Variants in STAT1 observed in about 807,000 individuals in gnomAD.
STAT1 encodes the protein signal transducer and activator of transcription 1-alpha/beta.
A neutral mutation model predicts 111.7 loss-of-function variants in STAT1; 24 were observed. The ratio of observed to expected loss-of-function variants is 0.21; its 90% CI spans 0.16 to 0.30. STAT1 has a LOEUF of 0.30. Among genes scored for constraint, STAT1 ranks in the 10% least tolerant of loss-of-function variants. STAT1 has a pLI of 1.00. For missense variants in STAT1, 351 were observed against 911.9 expected, an observed-to-expected ratio of 0.38 and a Z score of 7.92; for synonymous variants, 332 against 326.5, an observed-to-expected ratio of 1.02 and a Z score of -0.18.
intron 10 of STAT1, 134 bp downstream of exon 10, chr2:190,994,927 A>AAAT (rs1165918318): frequency 3.8e-3 from 514 of 135,008 alleles, no homozygotes; most frequent in Non-Finnish European, 4.9e-3. Flanking sequence ...AAAAAAAAAA[A>AAAT]ATATATATAT....
chr2:191,009,480 A>T (rs923012960), intron 3 of STAT1, among the ~76,000 whole-genome samples: 10 of 152,138 alleles, frequency 6.6e-5, no homozygotes, highest in African/African-American at 2.2e-4. Context: ...AATCCCCTTA[A>T]TTTTACTACC....
chr2:190,974,047 T>C lies in STAT1; in HGVS notation c.2238+783A>G, dbSNP rs1471492494. The stretch of plus-strand genomic sequence containing the variant: ...GGCCAGTAATAACTCAGGATATTTT[T>C]TGGAAGCATTAAATAAATTTTTAAA... On this transcript the variant is annotated intron_variant, in intron 24 of 24. Transcript: ENST00000361099. The surrounding 1 kb of genome is among the most constrained non-coding windows in gnomAD (Gnocchi z 4.8). Among the ~76,000 whole-genome samples, 9 of 152,320 alleles carry C rather than the reference T, an allele frequency of 5.9e-5. No homozygotes were observed. In the East Asian group the frequency reaches 1.5e-3, roughly 26 times the overall value.
chr2:190,986,554 C>T lies in STAT1; in HGVS notation c.1221+300G>A, dbSNP rs1002135868. Among the ~76,000 whole-genome samples, 4 of 152,154 alleles carry T rather than the reference C, an allele frequency of 2.6e-5. No homozygotes were observed. The highest frequency in any genetic ancestry group is 2.1e-4 in the South Asian group (1 of 4,832). Reference sequence around the variant, plus strand: ...CCATAACCTTTGAGAAAACTGCAAGCGTAGGTGAGTGACCGTGGGGATCAT... The same window carrying T: ...CCATAACCTTTGAGAAAACTGCAAGTGTAGGTGAGTGACCGTGGGGATCAT... On this transcript the variant is annotated intron_variant, in intron 14 of 24. Coordinates refer to ENST00000361099, the MANE Select transcript of STAT1 (RefSeq NM_007315.4). This position sits in a 1 kb window ranked among gnomAD's most constrained non-coding sequence, Gnocchi z 5.0.
chr2:191,008,706 C>T lies in STAT1; in HGVS notation c.273+257G>A, dbSNP rs992369049. On this transcript the variant is annotated intron_variant, in intron 4 of 24. Transcript: ENST00000361099. ...TTAGTAAAACAAAATTATAGCATCA[C>T]ATTTTTCTCAGGATTACTGATACCT... 2.0e-5 allele frequency among the ~76,000 whole-genome samples: 3 copies of T among 152,206 alleles called. 1 individual carries two copies. In the East Asian group the frequency reaches 5.8e-4, roughly 29 times the overall value.
chr2:190,972,662 A>G (rs538762605), intron 24 of STAT1, among the ~76,000 whole-genome samples: 2 of 152,188 alleles, frequency 1.3e-5, no homozygotes, highest in African/African-American at 4.8e-5. Context: ...AGTCAACCCA[A>G]TTTAGAGACT....
intron 10 of STAT1, chr2:190,992,676 C>A: frequency 7.8e-7 from 1 of 1,283,572 alleles, no homozygotes; most frequent in Non-Finnish European, 1.0e-6. Context: ...GACCAGAGTG[C>A]TCTGAATTTT....
Position 190,969,488 on chromosome 2 carries a change from T to C in STAT1, c.*1215A>G, listed in dbSNP as rs1691293624. ...GGAAGAACCTTGTCAAACCCATCTC[T>C]TAATCTACTTTTTGTGTCAGTGATA... is the stretch of plus-strand genomic sequence containing the variant. On this transcript the variant is annotated 3_prime_UTR_variant, in exon 25 of 25. Coordinates refer to ENST00000361099, the MANE Select transcript of STAT1 (RefSeq NM_007315.4). 6.6e-6 allele frequency: 1 copy of C among 152,182 alleles called. No individual in the cohort carries two copies. 9.4% of individuals were successfully genotyped at this position (152,182 alleles called of 1,614,324 possible).
chr2:190,982,259 G>A lies in STAT1; in HGVS notation c.1582+124C>T. The A allele has an allele frequency of 8.8e-7, 1 of 1,142,826 alleles. No individual in the cohort carries two copies. Among genetic ancestry groups the A allele is most frequent in the Non-Finnish European group, 1.3e-6 (1 of 765,658 alleles). The allele number at this position is 1,142,826 out of a possible 1,614,324, so 70.8% of individuals were successfully genotyped here. A position where few individuals can be genotyped will look rare whatever the true frequency, so the allele number is the denominator to read the frequency against. On this transcript the variant is annotated intron_variant, in intron 18 of 24. Transcript: ENST00000361099. This position sits in a 1 kb window ranked among gnomAD's most constrained non-coding sequence, Gnocchi z 7.3. ...ACTTAGCTATAATAAACTATAGCTT[G>A]AAAAGCTGACAGATTTTAGTACTTT... is the stretch of plus-strand genomic sequence containing the variant.
chr2:190,989,598 T>C lies in STAT1; in HGVS notation c.1097+17A>G, dbSNP rs1693163573. ...TCAATAGTACATGTATGTTATATAA[T>C]GTTAAAGATATCTTACTTATCAAAT... is the stretch of plus-strand genomic sequence containing the variant. On this transcript the variant is annotated intron_variant, in intron 12 of 24. Transcript: ENST00000361099. The surrounding 1 kb of genome is among the most constrained non-coding windows in gnomAD (Gnocchi z 5.0). 5 of 1,399,090 alleles carry C rather than the reference T, an allele frequency of 3.6e-6. No individual in the cohort carries two copies. Among genetic ancestry groups the C allele is most frequent in the Non-Finnish European group, 5.0e-6 (5 of 999,836 alleles). The allele number at this position is 1,399,090 out of a possible 1,614,324, so 86.7% of individuals were successfully genotyped here.
chr2:190,996,070 C>G lies in STAT1; in HGVS notation c.786-851G>C, dbSNP rs543966292. ...CAGGAGGAGAGACAGAGATGGGAGA[C>G]AAGGCCGGGGACAGGAAGAGAGGAA... On this transcript the variant is annotated intron_variant, in intron 9 of 24. Coordinates refer to ENST00000361099, the MANE Select transcript of STAT1 (RefSeq NM_007315.4). The surrounding 1 kb of genome is among the most constrained non-coding windows in gnomAD (Gnocchi z 4.5). Among the ~76,000 whole-genome samples the G allele has an allele frequency of 1.3e-5, 2 of 152,160 alleles. No individual in the cohort carries two copies. The highest frequency in any genetic ancestry group is 4.8e-5 in the African/African-American group (2 of 41,488).
In STAT1 at chr2:190,982,423, G is replaced by C; in HGVS notation, c.1542C>G (p.Leu514=). Residue 514 remains leucine (L), a synonymous_variant, in exon 18 of 25, where the codon CTC becomes CTG. Transcript: ENST00000361099. This position sits in a 1 kb window ranked among gnomAD's most constrained non-coding sequence, Gnocchi z 7.3. ...CCAACATGTTCAGCTGGTCCACATTGAGACCTCTTTTGGTGACAGAAGAAA... is the reference window on the plus strand; with the variant it reads ...CCAACATGTTCAGCTGGTCCACATTCAGACCTCTTTTGGTGACAGAAGAAA... The part of the protein sequence containing the change: ...WQFSSVTKRG[L]NVDQLNMLGE... The C allele has an allele frequency of 6.2e-7, 1 of 1,614,158 alleles. No individual in the cohort carries two copies. The highest frequency in any genetic ancestry group is 8.5e-7 in the Non-Finnish European group (1 of 1,180,042).
Position 190,997,888 on chromosome 2 carries a change from CGGCCCCCCAATACA to C in STAT1, c.739_752del (p.Cys247AlafsTer27), listed in dbSNP as rs1559018912. On this transcript the variant is annotated frameshift_variant, in exon 9 of 25. Transcript: ENST00000361099. LOFTEE classifies it high-confidence loss of function. This position sits in a 1 kb window ranked among gnomAD's most constrained non-coding sequence, Gnocchi z 7.3. Reference sequence around the variant, plus strand: ...GCAGCTGATCCAAGCAAGCATTGGGCGGCCCCCCAATACAGGCGCTCTGCTGTCTCCGCTTCCAC... The same window carrying C: ...GCAGCTGATCCAAGCAAGCATTGGGCGGCGCTCTGCTGTCTCCGCTTCCAC... 1 of 1,614,186 alleles carries C rather than the reference CGGCCCCCCAATACA, an allele frequency of 6.2e-7. No individual in the cohort carries two copies. The highest frequency in any genetic ancestry group is 1.1e-5 in the South Asian group (1 of 91,080).
rs1692916853 is a variant in STAT1 at position 190,987,174 on chromosome 2, TA to T, written c.1098-107del. 5.8e-6 allele frequency: 5 copies of T among 859,498 alleles called. No homozygotes were observed. Among genetic ancestry groups the T allele is most frequent in the Non-Finnish European group, 7.6e-6 (4 of 527,578 alleles). The allele number at this position is 859,498 out of a possible 1,614,324, so 53.2% of individuals were successfully genotyped here. On this transcript the variant is annotated intron_variant, in intron 12 of 24. Coordinates refer to ENST00000361099, the MANE Select transcript of STAT1 (RefSeq NM_007315.4). The surrounding 1 kb of genome is among the most constrained non-coding windows in gnomAD (Gnocchi z 4.0). ...CATAAGAGTGTAAGTGAATGATGAATAAAAAATAAATCTACACCTATGGATT... is the reference window on the plus strand; with the variant it reads ...CATAAGAGTGTAAGTGAATGATGAATAAAAATAAATCTACACCTATGGATT...
At chr2:190,994,154 G>A (rs1021535498) in intron 10 of STAT1, among the ~76,000 whole-genome samples, 7 of 152,194 alleles carry the variant, frequency 4.6e-5, no homozygotes, top group Non-Finnish European at 8.8e-5. Flanking sequence ...CTCTGAGGAA[G>A]AGGAAGTATC....
rs1559013625 is a variant in STAT1, at chr2:190,989,580, T to C, written c.1097+35A>G. On this transcript the variant is annotated intron_variant, in intron 12 of 24. Coordinates refer to ENST00000361099, the MANE Select transcript of STAT1 (RefSeq NM_007315.4). This position sits in a 1 kb window ranked among gnomAD's most constrained non-coding sequence, Gnocchi z 5.0. ...AGTAACAAAATCAACATTTCAATAG[T>C]ACATGTATGTTATATAATGTTAAAG... 1.6e-6 allele frequency: 2 copies of C among 1,244,588 alleles called. No homozygotes were observed. Among genetic ancestry groups the C allele is most frequent in the South Asian group, 1.3e-5 (1 of 76,032 alleles). The allele number at this position is 1,244,588 out of a possible 1,614,324, so 77.1% of individuals were successfully genotyped here.
Position 190,981,609 on chromosome 2 carries a change from C to T in STAT1, c.1582+774G>A, listed in dbSNP as rs16833143. On this transcript the variant is annotated intron_variant, in intron 18 of 24. Transcript: ENST00000361099. This position sits in a 1 kb window ranked among gnomAD's most constrained non-coding sequence, Gnocchi z 4.1. ...CAGCACAAGACCACCACTGTGACAG[C>T]TGCATATCCAAGAGAAGAAGGCACT... Among the ~76,000 whole-genome samples the T allele has an allele frequency of 0.033, 5,097 of 152,318 alleles. 277 individuals are homozygous for T. The highest frequency in any genetic ancestry group is 0.11 in the African/African-American group (4,719 of 41,548).
Position 190,987,314 on chromosome 2 carries a change from C to T in STAT1, c.1098-246G>A, listed in dbSNP as rs762654314. Among the ~76,000 whole-genome samples the T allele has an allele frequency of 6.6e-6, 1 of 152,222 alleles. No individual in the cohort carries two copies. Among genetic ancestry groups the T allele is most frequent in the Non-Finnish European group, 1.5e-5 (1 of 68,036 alleles). On this transcript the variant is annotated intron_variant, in intron 12 of 24. Coordinates refer to ENST00000361099, the MANE Select transcript of STAT1 (RefSeq NM_007315.4). This position sits in a 1 kb window ranked among gnomAD's most constrained non-coding sequence, Gnocchi z 4.0. ...GGCCTTACATTGTTCATTTGCACAA[C>T]ATACTAACAGTGCCAACATATAGGA...
In STAT1 at chr2:190,996,854, G is replaced by A. The variant is rs1253804026; in HGVS notation, c.785+1002C>T. Among the ~76,000 whole-genome samples the A allele has an allele frequency of 6.6e-6, 1 of 152,118 alleles. No individual in the cohort carries two copies. Among genetic ancestry groups the A allele is most frequent in the African/African-American group, 2.4e-5 (1 of 41,412 alleles). On this transcript the variant is annotated intron_variant, in intron 9 of 24. Coordinates refer to ENST00000361099, the MANE Select transcript of STAT1 (RefSeq NM_007315.4). This position sits in a 1 kb window ranked among gnomAD's most constrained non-coding sequence, Gnocchi z 4.5. ...GTTCAGCTCCTGTTGCCCCTCACCT[G>A]GACCACACTAATATGCTAATAGTAT...
chr2:191,009,248 G>A, intron 3 of STAT1, 141 bp from the exon 4 acceptor site: 1 of 1,110,660 alleles, frequency 9.0e-7, no homozygotes, highest in South Asian at 1.6e-5. Flanking sequence ...TTTTGAAACT[G>A]ACATTGCTTT....
Sources: allele counts gnomAD v4.1 joint callset (sites outside exome capture counted in the v4.1 genomes callset), GRCh38; gene constraint gnomAD v4.1.1; non-coding constraint Gnocchi (gnomAD v3.1); transcripts MANE v1.5; gene names NCBI Gene and HGNC (gene_info 2026-07-23, HGNC 2026-07-21).